CDH4: variants seen among roughly 807,000 people sequenced by gnomAD.
The protein encoded by CDH4 is cadherin-4.
In CDH4, 33 loss-of-function variants were observed where a neutral mutation model predicts 86.0. The ratio of observed to expected loss-of-function variants is 0.38; its 90% CI spans 0.29 to 0.51. CDH4 has a LOEUF of 0.51. Ranked by LOEUF, CDH4 falls within the 20% of genes least tolerant of loss-of-function variation. The pLI is 0.86. For missense variants in CDH4, 1,114 were observed against 1,307.4 expected, an observed-to-expected ratio of 0.85 and a Z score of 2.28; for synonymous variants, 555 against 549.4, an observed-to-expected ratio of 1.01 and a Z score of -0.14.
intron 2 of CDH4, among the ~76,000 whole-genome samples, chr20:61,593,136 G>T (rs891904773): frequency 6.6e-6 from 1 of 152,200 alleles, no homozygotes; most frequent in Admixed American, 6.5e-5. Context: ...AGAACTGTAC[G>T]GTAATGCTTG....
At chr20:61,454,779 T>A (rs2145551421) in intron 2 of CDH4, among the ~76,000 whole-genome samples, 2 of 152,190 alleles carry the variant, frequency 1.3e-5, no homozygotes, top group Middle Eastern at 6.8e-3. Flanking sequence ...GCAGTGTATA[T>A]GGTAGCCTGC....
At chr20:61,463,278 A>T (rs561874117) in intron 2 of CDH4, among the ~76,000 whole-genome samples, 1 of 152,340 alleles carries the variant, frequency 6.6e-6, no homozygotes, top group Admixed American at 6.5e-5. Flanking sequence ...AGAATAATAC[A>T]GGTGGGCACC....
At chr20:61,659,383 GAAAC>G (rs1328369230) in intron 2 of CDH4, among the ~76,000 whole-genome samples, 1 of 151,836 alleles carries the variant, frequency 6.6e-6, no homozygotes, top group Non-Finnish European at 1.5e-5. Context: ...AAAATGAAAA[GAAAC>G]AAAGAACAAG....
At position 61,938,960 on chromosome 20, in the gene CDH4, C is replaced by T. The variant is rs12626145; in HGVS notation, c.*2017C>T. On this transcript the variant is annotated 3_prime_UTR_variant, in exon 16 of 16. Coordinates refer to ENST00000614565, the MANE Select transcript of CDH4 (RefSeq NM_001794.5). Reference sequence around the variant, plus strand: ...TGCCCCCCTCTGCAGACAGCCAGTCCAGGAGATGGACCAACAGAGGTCAAG... The same window carrying T: ...TGCCCCCCTCTGCAGACAGCCAGTCTAGGAGATGGACCAACAGAGGTCAAG... The T allele has an allele frequency of 0.073, 11,181 of 152,470 alleles. 696 individuals carry two copies. Among genetic ancestry groups the T allele is most frequent in the East Asian group, 0.33 (1,697 of 5,164 alleles). The allele number at this position is 152,470 out of a possible 1,614,324, so 9.4% of individuals were successfully genotyped here.
intron 2 of CDH4, among the ~76,000 whole-genome samples, chr20:61,311,378 T>C (rs1341515602): frequency 6.6e-6 from 1 of 152,198 alleles, no homozygotes; most frequent in African/African-American, 2.4e-5. Flanking sequence ...GGCAAACATA[T>C]TGGGAAAATA....
intron 2 of CDH4, among the ~76,000 whole-genome samples, chr20:61,446,868 G>A (rs1232220549): frequency 6.6e-6 from 1 of 152,072 alleles, no homozygotes; most frequent in African/African-American, 2.4e-5. Flanking sequence ...TTTGTTAGGG[G>A]AAAATTGTTA....
chr20:61,273,326 AGTTTGGGAGAGTACCTTGTG>A (rs2084196697), intron 2 of CDH4, among the ~76,000 whole-genome samples: 3 of 122,572 alleles, frequency 2.4e-5, no homozygotes, highest in Non-Finnish European at 3.2e-5. Context: ...TACCATGTGC[AGTTTGGGAGAGTACCTTGTG>A]CAGTTTGGGG....
intron 2 of CDH4, among the ~76,000 whole-genome samples, chr20:61,454,042 CCT>C (rs2085394278): frequency 6.6e-6 from 1 of 152,204 alleles, no homozygotes; most frequent in African/African-American, 2.4e-5. Flanking sequence ...GTCAATTAAA[CCT>C]CTTTCTTTTA....
At chr20:61,599,997 G>A in intron 2 of CDH4, 1 of 968,508 alleles carries the variant, frequency 1.0e-6, no homozygotes, top group Non-Finnish European at 1.2e-6. Flanking sequence ...CAGGTACCCC[G>A]TGCTAATGAT....
At chr20:61,525,718 C>G (rs1044314779) in intron 2 of CDH4, among the ~76,000 whole-genome samples, 1 of 152,150 alleles carries the variant, frequency 6.6e-6, no homozygotes, top group South Asian at 2.1e-4. Context: ...CTGAGAAACT[C>G]AGAACTCCCA....
At chr20:61,931,960 G>A (rs1568896877) in intron 13 of CDH4, among the ~76,000 whole-genome samples, 1 of 152,084 alleles carries the variant, frequency 6.6e-6, no homozygotes, top group Non-Finnish European at 1.5e-5. Flanking sequence ...TACTGGGTGG[G>A]GCTGCCCTTC....
In CDH4 at chr20:61,517,651, G is replaced by A. The variant is rs1023310278; in HGVS notation, c.170-225912G>A. ...TGAGCTGCAAAGTGAGGAGAATGAC[G>A]GCAGCGCCGCTGTAGGACCATGGAG... On this transcript the variant is annotated intron_variant, in intron 2 of 15. Transcript: ENST00000614565. The surrounding 1 kb of genome is among the most constrained non-coding windows in gnomAD (Gnocchi z 6.6). Among the ~76,000 whole-genome samples the A allele has an allele frequency of 3.9e-5, 6 of 152,166 alleles. No individual in the cohort carries two copies. Among genetic ancestry groups the A allele is most frequent in the Admixed American group, 6.5e-5 (1 of 15,284 alleles).
chr20:61,769,861 G>C (rs779967698), intron 3 of CDH4, among the ~76,000 whole-genome samples: 5 of 152,210 alleles, frequency 3.3e-5, no homozygotes, highest in Non-Finnish European at 5.9e-5. Context: ...TCAAAGCTTA[G>C]AGCATATCAA....
intron 2 of CDH4, among the ~76,000 whole-genome samples, chr20:61,562,412 G>A (rs535940362): frequency 8.7e-5 from 13 of 150,010 alleles, no homozygotes; most frequent in African/African-American, 3.2e-4. Flanking sequence ...GGGGACCTTC[G>A]TGTGGAGAGG....
At chr20:61,882,515 T>C (rs6089538) in intron 7 of CDH4, among the ~76,000 whole-genome samples, 121,016 of 152,160 alleles carry the variant, frequency 0.8, 49,378 homozygotes, top group Non-Finnish European at 0.88. Flanking sequence ...CGGGGCCTGC[T>C]TTCCTGCAAG....
At chr20:61,466,278 A>G (rs191381136) in intron 2 of CDH4, among the ~76,000 whole-genome samples, 1 of 152,330 alleles carries the variant, frequency 6.6e-6, no homozygotes, top group East Asian at 1.9e-4. Context: ...GATGTTTGAC[A>G]ATATGTGAGC....
chr20:61,428,071 G>A (rs6089567), intron 2 of CDH4, among the ~76,000 whole-genome samples: 4,339 of 152,240 alleles, frequency 0.029, 99 homozygotes, highest in Non-Finnish European at 0.044. Context: ...CACCCTTTCC[G>A]AGTCATAGAC....
intron 8 of CDH4, among the ~76,000 whole-genome samples, chr20:61,896,163 G>A (rs1354879414): frequency 6.6e-6 from 1 of 152,174 alleles, no homozygotes; most frequent in Admixed American, 6.5e-5. Context: ...GCCAGGGTGC[G>A]GCCAGGGTAC....
chr20:61,272,226 A>G (rs567267150), intron 2 of CDH4, among the ~76,000 whole-genome samples: 4 of 152,284 alleles, frequency 2.6e-5, no homozygotes, highest in South Asian at 2.1e-4. Flanking sequence ...AAGGATATCA[A>G]TCTCCGACTT....
Sources: gnomAD v4.1 joint callset for allele counts (sites outside exome capture counted in the v4.1 genomes callset) on GRCh38, gnomAD v4.1.1 for gene constraint, Gnocchi (gnomAD v3.1) non-coding constraint, MANE v1.5 for transcripts, NCBI Gene and HGNC (gene_info 2026-07-23, HGNC 2026-07-21) for gene names.